Variants in ADGRB3 observed in about 807,000 individuals in gnomAD.
The protein encoded by ADGRB3 is brain-specific angiogenesis inhibitor 3.
In ADGRB3, 37 loss-of-function variants were observed where a neutral mutation model predicts 193.4. The observed-to-expected ratio is 0.19, with a 90% CI of 0.15 to 0.25. The LOEUF is 0.25. ADGRB3 is among the 10% of genes least tolerant of loss of function. The pLI, the probability that ADGRB3 is intolerant of heterozygous loss-of-function variation, is 1.00. For missense variants in ADGRB3, 1,637 were observed against 1,852.9 expected (o/e 0.88, Z 2.14); for synonymous variants, 690 against 644.2 (o/e 1.07, Z -1.08).
Position 68,993,801 on chromosome 6 carries a change from C to T in ADGRB3, c.1768C>T (p.Leu590=), listed in dbSNP as rs753139957. Residue 590 remains leucine (L), a synonymous_variant, in exon 11 of 32, where the codon CTG becomes TTG. Coordinates refer to ENST00000370598, the MANE Select transcript of ADGRB3 (RefSeq NM_001704.3). ...GCACCTTGCTAAGGGGCAGCGAATG[C>T]TGGCAGGTGATGGAATGTCCCAGGT... The part of the protein sequence containing the change: ...KEHLAKGQRM[L]AGDGMSQVTK... 6.2e-7 allele frequency: 1 copy of T among 1,613,836 alleles called. No individual in the cohort carries two copies. Among genetic ancestry groups the T allele is most frequent in the African/African-American group, 1.3e-5 (1 of 75,028 alleles).
At chr6:69,080,569 A>G (rs1184877601) in intron 17 of ADGRB3, among the ~76,000 whole-genome samples, 1 of 151,960 alleles carries the variant, frequency 6.6e-6, no homozygotes, top group Non-Finnish European at 1.5e-5. Context: ...AAACAGCAAT[A>G]TCATGGTCTC....
chr6:68,930,319 C>T (rs967656128), intron 3 of ADGRB3, among the ~76,000 whole-genome samples: 4 of 151,940 alleles, frequency 2.6e-5, no homozygotes, highest in African/African-American at 4.8e-5. Context: ...CTGTTAAGTT[C>T]ACTTAAAATC....
chr6:69,320,565 T>C (rs542492185), intron 20 of ADGRB3, among the ~76,000 whole-genome samples: 1 of 151,550 alleles, frequency 6.6e-6, no homozygotes. Flanking sequence ...TTAAAAAATA[T>C]CTTTCTTTAT....
intron 3 of ADGRB3, among the ~76,000 whole-genome samples, chr6:68,881,457 T>C (rs1463934386): frequency 6.6e-6 from 1 of 152,206 alleles, no homozygotes; most frequent in Non-Finnish European, 1.5e-5. Flanking sequence ...TCAGTATATA[T>C]TCCCTGAATA....
intron 16 of ADGRB3, among the ~76,000 whole-genome samples, chr6:69,069,732 A>T (rs1213955192): frequency 1.9e-5 from 2 of 107,580 alleles, no homozygotes; most frequent in Non-Finnish European, 3.7e-5. Flanking sequence ...CTCTCTCATT[A>T]AAAAAAAAAA....
At chr6:69,297,408 C>CTA (rs1285722019) in intron 20 of ADGRB3, among the ~76,000 whole-genome samples, 3,056 of 141,406 alleles carry the variant, frequency 0.022, 30 homozygotes, top group African/African-American at 0.028. Flanking sequence ...CTCTCTCTCT[C>CTA]TCTATATATA....
chr6:68,947,938 C>T (rs1767816059), intron 6 of ADGRB3, among the ~76,000 whole-genome samples: 1 of 152,102 alleles, frequency 6.6e-6, no homozygotes, highest in Admixed American at 6.6e-5. Flanking sequence ...ACATAGGGAA[C>T]TGTGGGGATC....
intron 17 of ADGRB3, among the ~76,000 whole-genome samples, chr6:69,156,289 T>A (rs1273602330): frequency 3.3e-5 from 5 of 152,194 alleles, no homozygotes; most frequent in Non-Finnish European, 7.3e-5. Flanking sequence ...AGAATGACTG[T>A]GTGAGCAGGG....
chr6:68,644,721 A>G (rs79308383), intron 3 of ADGRB3, among the ~76,000 whole-genome samples: 83 of 152,294 alleles, frequency 5.4e-4, no homozygotes, highest in Non-Finnish European at 1.0e-3. Flanking sequence ...AATTTCACCA[A>G]TTAAGGAGTA....
At chr6:68,957,177 C>T (rs541795241) in intron 8 of ADGRB3, among the ~76,000 whole-genome samples, 11 of 152,256 alleles carry the variant, frequency 7.2e-5, no homozygotes, top group South Asian at 6.2e-4. Context: ...CATTTACTTG[C>T]GTTTGCCCCA....
chr6:69,118,224 ATTC>A (rs1773586875), intron 17 of ADGRB3, among the ~76,000 whole-genome samples: 1 of 152,100 alleles, frequency 6.6e-6, no homozygotes, highest in African/African-American at 2.4e-5. Flanking sequence ...TGGTGTAGTA[ATTC>A]TTCTTGGAGC....
intron 3 of ADGRB3, among the ~76,000 whole-genome samples, chr6:68,928,477 GTGAGCTATGA>G (rs1201710909): frequency 1.3e-5 from 2 of 152,156 alleles, no homozygotes; most frequent in Non-Finnish European, 2.9e-5. Context: ...CAAGTTTACA[GTGAGCTATGA>G]TTGCACCACT....
intron 11 of ADGRB3, among the ~76,000 whole-genome samples, chr6:68,995,256 T>C (rs1769352448): frequency 6.6e-6 from 1 of 152,224 alleles, no homozygotes; most frequent in African/African-American, 2.4e-5. Context: ...GAAATGCTTC[T>C]ATTAATATTT....
intron 20 of ADGRB3, among the ~76,000 whole-genome samples, chr6:69,323,578 A>G (rs1373856105): frequency 2.6e-5 from 4 of 152,032 alleles, no homozygotes; most frequent in Non-Finnish European, 5.9e-5. Flanking sequence ...AAAGATTCAC[A>G]TGCTGAAAAA....
At chr6:69,119,316 C>T (rs767947885) in intron 17 of ADGRB3, among the ~76,000 whole-genome samples, 2 of 152,076 alleles carry the variant, frequency 1.3e-5, no homozygotes, top group Non-Finnish European at 1.5e-5. Flanking sequence ...TTTCCTTCTG[C>T]CTACTATGTG....
At chr6:68,861,451 G>T (rs1193137857) in intron 3 of ADGRB3, among the ~76,000 whole-genome samples, 2 of 151,958 alleles carry the variant, frequency 1.3e-5, no homozygotes, top group African/African-American at 2.4e-5. Context: ...AGTCCCAGCT[G>T]CTCGGGAGGT....
chr6:68,827,667 G>T (rs577046336), intron 3 of ADGRB3, among the ~76,000 whole-genome samples: 40 of 151,698 alleles, frequency 2.6e-4, no homozygotes, highest in East Asian at 5.8e-4. Context: ...GGTTTTTTTT[G>T]GGGGGGAGGG....
Position 69,070,441 on chromosome 6 carries a change from G to A in ADGRB3, c.2437-5554G>A, listed in dbSNP as rs149352993. On this transcript the variant is annotated intron_variant, in intron 16 of 31. Transcript: ENST00000370598. ...AATCAGGGTAATGAACAAATCCATC[G>A]CCTCACAAAGTTTCAGTAGATGCAT... Among the ~76,000 whole-genome samples the A allele has an allele frequency of 2.3e-3, 347 of 152,186 alleles. 4 individuals carry two copies. Among genetic ancestry groups the A allele is most frequent in the African/African-American group, 8.1e-3 (337 of 41,528 alleles).
chr6:69,270,190 C>T (rs1455600824), intron 20 of ADGRB3, among the ~76,000 whole-genome samples: 1 of 151,888 alleles, frequency 6.6e-6, no homozygotes, highest in Non-Finnish European at 1.5e-5. Flanking sequence ...GATCACCAGG[C>T]TTTCCATGAC....
Sources: gnomAD v4.1 joint callset for allele counts (sites outside exome capture counted in the v4.1 genomes callset) on GRCh38, gnomAD v4.1.1 for gene constraint, MANE v1.5 for transcripts, NCBI Gene and HGNC (gene_info 2026-07-23, HGNC 2026-07-21) for gene names.